The following KHDRBS1 variants were observed in gnomAD, a reference collection of about 807,000 sequenced individuals.
KHDRBS1 encodes the protein KH RNA binding domain containing, signal transduction associated 1.
KHDRBS1 carries 7 observed loss-of-function variants against 48.4 expected under a neutral mutation model. That is an observed-to-expected ratio of 0.14 (90% CI 0.08 to 0.27). The LOEUF is 0.27. Ranked by LOEUF, KHDRBS1 falls within the 10% of genes least tolerant of loss-of-function variation. The probability of loss-of-function intolerance (pLI) is 1.00; values close to 1 mark genes in which losing one functional copy is unlikely to be tolerated. For missense variants in KHDRBS1, 458 were observed against 601.2 expected, an observed-to-expected ratio of 0.76 and a Z score of 2.49; for synonymous variants, 241 against 235.8, an observed-to-expected ratio of 1.02 and a Z score of -0.20.
chr1:32,038,669 G>A, intron 7 of KHDRBS1, 50 bp downstream of exon 7: 1 of 1,542,920 alleles, frequency 6.5e-7, no homozygotes, highest in Non-Finnish European at 9.0e-7. Context: ...ATGGATGGAG[G>A]GAGTTGGAGG....
chr1:32,044,004 G>A (rs1639327606), downstream of KHDRBS1: 1 of 152,262 alleles, frequency 6.6e-6, no homozygotes, highest in South Asian at 2.1e-4. Context: ...AAGTGGTGGG[G>A]GGGATTTTAT....
intron 4 of KHDRBS1, 77 bp from the exon 5 acceptor site, chr1:32,036,833 A>C (rs560782708): frequency 1.2e-5 from 17 of 1,459,392 alleles, no homozygotes; most frequent in Non-Finnish European, 1.5e-5. Flanking sequence ...TTAGAATTCA[A>C]GTCTCCCGTG....
At chr1:32,030,596 A>G (rs539780369) in intron 2 of KHDRBS1, among the ~76,000 whole-genome samples, 174 bp downstream of exon 2, 10 of 152,228 alleles carry the variant, frequency 6.6e-5, no homozygotes, top group Non-Finnish European at 1.5e-4. Context: ...GTTCTTAACT[A>G]ATAACATAGC....
intron 3 of KHDRBS1, among the ~76,000 whole-genome samples, chr1:32,032,591 A>G (rs977383952): frequency 2.0e-5 from 3 of 152,224 alleles, no homozygotes; most frequent in Admixed American, 6.5e-5. Context: ...TGCTTTTAGT[A>G]GGAGCTCCAA....
At chr1:32,031,261 A>T (rs1639077159) in intron 2 of KHDRBS1, among the ~76,000 whole-genome samples, 1 of 152,154 alleles carries the variant, frequency 6.6e-6, no homozygotes, top group Admixed American at 6.6e-5. Flanking sequence ...TAAAGTAAAA[A>T]ATAAAATAGT....
intron 10 of KHDRBS1, among the ~76,000 whole-genome samples, chr1:32,049,608 C>T (rs1371364321): frequency 6.6e-6 from 1 of 151,580 alleles, no homozygotes; most frequent in African/African-American, 2.4e-5. Flanking sequence ...GGGTATATAC[C>T]TAGAAGAATT....
chr1:32,050,922 ACT>A (rs1639411631), intron 10 of KHDRBS1, among the ~76,000 whole-genome samples: 1 of 151,408 alleles, frequency 6.6e-6, no homozygotes, highest in Non-Finnish European at 1.5e-5. Context: ...ACAGAGTCTC[ACT>A]CTGTCACCCA....
chr1:32,055,886 G>A (rs1001916231), intron 10 of KHDRBS1, among the ~76,000 whole-genome samples: 7 of 152,076 alleles, frequency 4.6e-5, no homozygotes, highest in Non-Finnish European at 7.4e-5. Context: ...CAGGACTGGA[G>A]GTCTTCCACT....
intron 10 of KHDRBS1, among the ~76,000 whole-genome samples, chr1:32,056,123 A>C (rs1264623944): frequency 6.6e-6 from 1 of 152,136 alleles, no homozygotes; most frequent in Non-Finnish European, 1.5e-5. Flanking sequence ...CTAGCCTCTC[A>C]CCAGTGACTG....
chr1:32,020,077 T>TTTTG (rs139181817), intron 1 of KHDRBS1, among the ~76,000 whole-genome samples: 1 of 151,668 alleles, frequency 6.6e-6, no homozygotes, highest in Non-Finnish European at 1.5e-5. Context: ...CCAATGCAGG[T>TTTTG]TTTGTTTGTT....
At chr1:32,047,282 C>T (rs1329278026), downstream of KHDRBS1, among the ~76,000 whole-genome samples, 3 of 152,172 alleles carry the variant, frequency 2.0e-5, no homozygotes, top group Non-Finnish European at 4.4e-5. Flanking sequence ...CCTCAGCCTC[C>T]GGAGTAGCTG....
At chr1:32,023,920 A>AC (rs1192461686) in intron 1 of KHDRBS1, among the ~76,000 whole-genome samples, 1 of 152,242 alleles carries the variant, frequency 6.6e-6, no homozygotes, top group East Asian at 1.9e-4. Context: ...CCCCCCACAA[A>AC]CACACACTCA....
At position 32,020,209 on chromosome 1, in the gene KHDRBS1, C is replaced by T. The variant is rs1196534072; in HGVS notation, c.382+5832C>T. 4.0e-5 allele frequency among the ~76,000 whole-genome samples: 6 copies of T among 151,720 alleles called. No individual in the cohort carries two copies. In the East Asian group the frequency reaches 9.7e-4, roughly 25 times the overall value. On this transcript the variant is annotated intron_variant, in intron 1 of 8. Coordinates refer to ENST00000327300, the MANE Select transcript of KHDRBS1 (RefSeq NM_006559.3). ...AGGATTGCTTGAGCCCTAGTGAGAG[C>T]TTGTCTCTACAGAAAATTTAAAAAT...
At chr1:32,014,741 C>G (rs1028398250) in intron 1 of KHDRBS1, among the ~76,000 whole-genome samples, 1 of 152,226 alleles carries the variant, frequency 6.6e-6, no homozygotes, top group African/African-American at 2.4e-5. Context: ...GAAGGGAAAC[C>G]CTTTTTGATC....
downstream of KHDRBS1, among the ~76,000 whole-genome samples, chr1:32,048,332 C>G (rs796499846): frequency 3.3e-5 from 5 of 152,250 alleles, no homozygotes; most frequent in African/African-American, 1.2e-4. Context: ...ACATAGCAGA[C>G]TCTGTCTCTA....
chr1:32,054,276 G>C (rs1295146914), intron 10 of KHDRBS1, among the ~76,000 whole-genome samples: 1 of 152,128 alleles, frequency 6.6e-6, no homozygotes, highest in Non-Finnish European at 1.5e-5. Context: ...CGGCAAGGTA[G>C]GGAAAATAAG....
chr1:32,033,059 C>G (rs1639111741), intron 3 of KHDRBS1, 129 bp from the exon 4 acceptor site: 1 of 664,938 alleles, frequency 1.5e-6, no homozygotes, highest in East Asian at 2.6e-5. Flanking sequence ...TTCTTCTCAG[C>G]TCATACCAAT....
At position 32,041,624 on chromosome 1, in the gene KHDRBS1, CTG is replaced by C. The variant is rs913686452; in HGVS notation, c.1235-901_1235-900del. On this transcript the variant is annotated intron_variant, in intron 8 of 8. Coordinates refer to ENST00000327300, the MANE Select transcript of KHDRBS1 (RefSeq NM_006559.3). ...TTTTTTTTTGAGATGGAGTCTGGCT[CTG>C]TTGTCCAGGCTGGAGTGGAGTGGCA... 6.8e-5 allele frequency among the ~76,000 whole-genome samples: 8 copies of C among 116,978 alleles called. No individual in the cohort carries two copies. The South Asian group carries it at 1.5e-3, about 22-fold the overall frequency. The allele number at this position is 116,978 out of a possible 152,430, so 76.7% of individuals were successfully genotyped here.
chr1:32,045,763 G>C (rs1639349314), downstream of KHDRBS1, among the ~76,000 whole-genome samples: 1 of 152,222 alleles, frequency 6.6e-6, no homozygotes, highest in South Asian at 2.1e-4. Context: ...TCTGGTGTGG[G>C]AACTGTAGTG....
Sources: gnomAD v4.1 joint callset for allele counts (sites outside exome capture counted in the v4.1 genomes callset) on GRCh38, gnomAD v4.1.1 for gene constraint, MANE v1.5 for transcripts, NCBI Gene and HGNC (gene_info 2026-07-23, HGNC 2026-07-21) for gene names.